Variants in LRP1B observed in about 807,000 individuals in gnomAD.
LRP1B encodes the protein LDL receptor related protein 1B.
LRP1B carries 217 observed loss-of-function variants against 556.6 expected under a neutral mutation model. The observed-to-expected ratio is 0.39, with a 90% confidence interval of 0.35 to 0.44. The LOEUF is 0.44. Among genes scored for constraint, LRP1B ranks in the 20% least tolerant of loss-of-function variants. The probability of loss-of-function intolerance (pLI) is 1.00; values close to 1 mark genes in which losing one functional copy is unlikely to be tolerated. For synonymous variants in LRP1B, 2,047 were observed against 1,865.8 expected, an observed-to-expected ratio of 1.10 and a Z score of -2.50; for missense variants, 5,053 against 5,620.8, an observed-to-expected ratio of 0.90 and a Z score of 3.23.
intron 14 of LRP1B, among the ~76,000 whole-genome samples, chr2:141,006,774 C>T (rs1206947977): frequency 6.6e-5 from 10 of 151,934 alleles, no homozygotes; most frequent in Non-Finnish European, 1.5e-4. Context: ...CTGTACATAG[C>T]ATGCTACGGT....
At chr2:141,505,593 T>G (rs1303425056) in intron 2 of LRP1B, among the ~76,000 whole-genome samples, 2 of 152,110 alleles carry the variant, frequency 1.3e-5, no homozygotes, top group Non-Finnish European at 2.9e-5. Flanking sequence ...TTATTCAACA[T>G]ATACCTGTTA....
At chr2:141,511,955 T>C (rs6707279) in intron 2 of LRP1B, among the ~76,000 whole-genome samples, 148,368 of 152,304 alleles carry the variant, frequency 0.97, 72,381 homozygotes, top group East Asian at 1. Context: ...GGATCAGACA[T>C]TTAGAGAATT....
chr2:140,306,649 T>C (rs1684080996), intron 83 of LRP1B, among the ~76,000 whole-genome samples: 1 of 152,102 alleles, frequency 6.6e-6, no homozygotes, highest in Non-Finnish European at 1.5e-5. Context: ...TTTGTGCCTC[T>C]ATCTCCTTCA....
chr2:140,349,155 G>A (rs187694852), intron 77 of LRP1B, among the ~76,000 whole-genome samples: 107 of 152,058 alleles, frequency 7.0e-4, no homozygotes, highest in African/African-American at 2.3e-3. Context: ...GACTGATACC[G>A]GTCTGTGGCC....
chr2:141,569,166 A>G (rs1372718001), intron 2 of LRP1B, among the ~76,000 whole-genome samples: 4 of 151,136 alleles, frequency 2.6e-5, no homozygotes, highest in Non-Finnish European at 5.9e-5. Context: ...TCTCACCTCA[A>G]TAGGAGATCA....
In LRP1B at chr2:141,055,112, A is replaced by G. The variant is rs370347199; in HGVS notation, c.1552+4T>C. 1.9e-6 allele frequency: 3 copies of G among 1,611,662 alleles called. No individual in the cohort carries two copies. The South Asian group carries it at 3.3e-5, about 18-fold the overall frequency. On this transcript the variant is annotated splice_donor_region_variant and intron_variant, in intron 10 of 90. Coordinates refer to ENST00000389484, the MANE Select transcript of LRP1B (RefSeq NM_018557.3). ...CTGGCAAATGTTTTATTTTAACAACATACTTTTGCATGACCTGCCATCACT... is the reference window on the plus strand; with the variant it reads ...CTGGCAAATGTTTTATTTTAACAACGTACTTTTGCATGACCTGCCATCACT...
At chr2:140,616,484 CTTTT>C (rs11416942) in intron 41 of LRP1B, among the ~76,000 whole-genome samples, 1 of 140,532 alleles carries the variant, frequency 7.1e-6, no homozygotes, top group Non-Finnish European at 1.5e-5. Flanking sequence ...GTGACTCAGT[CTTTT>C]TTTTTTTTTT....
At chr2:141,915,439 T>A (rs1372791996) in intron 1 of LRP1B, among the ~76,000 whole-genome samples, 1 of 152,014 alleles carries the variant, frequency 6.6e-6, no homozygotes. Flanking sequence ...TATACAAAAA[T>A]TAACTCAAGA....
At chr2:140,358,215 C>T in intron 73 of LRP1B, 99 bp from the exon 74 acceptor site, 2 of 1,143,266 alleles carry the variant, frequency 1.7e-6, no homozygotes, top group Non-Finnish European at 2.5e-6. Flanking sequence ...CTATGAAAAA[C>T]ATGGGTTTAC....
chr2:141,318,833 C>T (rs1474514892), intron 3 of LRP1B, among the ~76,000 whole-genome samples: 2 of 152,066 alleles, frequency 1.3e-5, no homozygotes, highest in East Asian at 3.9e-4. Context: ...TAAAAGCCTA[C>T]ACTTTTAGAC....
intron 11 of LRP1B, among the ~76,000 whole-genome samples, chr2:141,043,035 T>TACAAA (rs1328436196): frequency 2.8e-5 from 1 of 35,380 alleles, no homozygotes; most frequent in Non-Finnish European, 9.0e-5. Flanking sequence ...CTACAAAAAA[T>TACAAA]ACAAAAAAAA....
Position 141,480,395 on chromosome 2 carries a change from C to T in LRP1B, c.343+1G>A, listed in dbSNP as rs2105089681. The T allele has an allele frequency of 6.2e-7, 1 of 1,613,818 alleles. No individual in the cohort carries two copies. Among genetic ancestry groups the T allele is most frequent in the Non-Finnish European group, 8.5e-7 (1 of 1,179,870 alleles). On this transcript the variant is annotated splice_donor_variant, in intron 3 of 90. Coordinates refer to ENST00000389484, the MANE Select transcript of LRP1B (RefSeq NM_018557.3). LOFTEE classifies it high-confidence loss of function. ...TTGCATTGTTCCACAAATGGACTCA[C>T]CCTGACAATGTACTCCTTCGTCATA...
intron 7 of LRP1B, among the ~76,000 whole-genome samples, chr2:141,130,402 A>C (rs1701320085): frequency 6.6e-6 from 1 of 152,146 alleles, no homozygotes; most frequent in Non-Finnish European, 1.5e-5. Context: ...GTAAATCCAT[A>C]AAGATTAAAA....
intron 69 of LRP1B, 106 bp downstream of exon 69, chr2:140,372,902 T>C: frequency 2.6e-6 from 3 of 1,167,348 alleles, no homozygotes; most frequent in South Asian, 1.3e-5. Context: ...TTAAAAATGG[T>C]AAACATATGA....
At chr2:141,423,505 C>T (rs11885730) in intron 3 of LRP1B, among the ~76,000 whole-genome samples, 29,699 of 151,812 alleles carry the variant, frequency 0.2, 3,576 homozygotes, top group East Asian at 0.45. Flanking sequence ...TCCTACCCAC[C>T]CCACAAAATA....
At chr2:141,450,583 A>ATAT (rs113374431) in intron 3 of LRP1B, among the ~76,000 whole-genome samples, 1 of 150,512 alleles carries the variant, frequency 6.6e-6, no homozygotes, top group African/African-American at 2.4e-5. Flanking sequence ...TTTAAAAAAA[A>ATAT]ATATATATAT....
intron 41 of LRP1B, among the ~76,000 whole-genome samples, chr2:140,678,271 A>G (rs1376853825): frequency 6.6e-6 from 1 of 152,176 alleles, no homozygotes; most frequent in African/African-American, 2.4e-5. Context: ...AAATTACGGG[A>G]TTATATATGT....
Position 141,960,115 on chromosome 2 carries a change from G to C in LRP1B, c.83-149714C>G, listed in dbSNP as rs115637763. Among the ~76,000 whole-genome samples, 360 of 152,036 alleles carry C rather than the reference G, an allele frequency of 2.4e-3. 1 individual carries two copies. Among genetic ancestry groups the C allele is most frequent in the Non-Finnish European group, 4.5e-3 (303 of 67,894 alleles). On this transcript the variant is annotated intron_variant, in intron 1 of 90. Transcript: ENST00000389484. Reference sequence around the variant, plus strand: ...ATGTGTTGTAGGGCTTCATAAGAGAGAGAAAGTTTAGCTGTGAGAGTAGCT... The same window carrying C: ...ATGTGTTGTAGGGCTTCATAAGAGACAGAAAGTTTAGCTGTGAGAGTAGCT...
At chr2:142,019,973 A>G (rs1703280976) in intron 1 of LRP1B, among the ~76,000 whole-genome samples, 1 of 151,908 alleles carries the variant, frequency 6.6e-6, no homozygotes, top group African/African-American at 2.4e-5. Flanking sequence ...CCCCTGTTTT[A>G]TTTTTTCCAT....
Sources: allele counts gnomAD v4.1 joint callset (sites outside exome capture counted in the v4.1 genomes callset), GRCh38; gene constraint gnomAD v4.1.1; transcripts MANE v1.5; gene names NCBI Gene and HGNC (gene_info 2026-07-23, HGNC 2026-07-21).